The following FGF13 variants were observed in gnomAD, a reference collection of about 807,000 sequenced individuals.
FGF13 encodes the protein fibroblast growth factor homologous factor 2.
Under a neutral mutation model 19.5 loss-of-function variants are expected in FGF13, and 2 were observed. The observed-to-expected ratio is 0.10, with a 90% CI of 0.04 to 0.32. The LOEUF (loss-of-function observed/expected upper bound fraction) is 0.32, where lower values mean the gene tolerates loss of function less well. Among genes scored for constraint, FGF13 ranks in the 10% least tolerant of loss-of-function variants. FGF13 has a pLI of 1.00. For missense variants in FGF13, 113 were observed against 192.7 expected (o/e 0.59, Z 2.45); for synonymous variants, 72 against 76.9 (o/e 0.94, Z 0.33).
chrX:138,670,521 A>G (rs2089600104), intron 3 of FGF13, among the ~76,000 whole-genome samples: 1 of 112,116 alleles, frequency 8.9e-6, no homozygotes, highest in Non-Finnish European at 1.9e-5. Context: ...GTGGATGTAC[A>G]TTTATTGACA....
intron 1 of FGF13, among the ~76,000 whole-genome samples, chrX:138,973,748 T>C (rs771845502): frequency 1.0e-3 from 112 of 112,372 alleles, no homozygotes; most frequent in African/African-American, 3.4e-3. Context: ...ATAATTGCCT[T>C]CCTGGTCTCT....
At chrX:138,907,844 T>C (rs1415113594) in intron 1 of FGF13, among the ~76,000 whole-genome samples, 1 of 111,593 alleles carries the variant, frequency 9.0e-6, no homozygotes, top group Non-Finnish European at 1.9e-5. Context: ...AAATATCAAA[T>C]AAGAATGCTG....
At chrX:138,993,228 G>T (rs1018740679) in intron 1 of FGF13, among the ~76,000 whole-genome samples, 1 of 111,443 alleles carries the variant, frequency 9.0e-6, no homozygotes, top group Non-Finnish European at 1.9e-5. Context: ...CCTTGACCAG[G>T]AAAGGAACAT....
intron 1 of FGF13, among the ~76,000 whole-genome samples, chrX:139,077,279 A>G (rs2083338860): frequency 8.9e-6 from 1 of 112,351 alleles, no homozygotes; most frequent in African/African-American, 3.2e-5. Context: ...CCAATGGAAG[A>G]TAACTAAAAT....
At chrX:138,981,837 T>C (rs1316015150) in intron 1 of FGF13, among the ~76,000 whole-genome samples, 1 of 111,288 alleles carries the variant, frequency 9.0e-6, no homozygotes, top group Non-Finnish European at 1.9e-5. Flanking sequence ...TATCTCTTGG[T>C]TCATCCAATT....
intron 3 of FGF13, among the ~76,000 whole-genome samples, chrX:138,660,155 G>A (rs761209851): frequency 8.1e-5 from 9 of 111,560 alleles, no homozygotes; most frequent in South Asian, 3.8e-4. Flanking sequence ...CTAATTTAAC[G>A]CATGCTTGAA....
chrX:138,638,131 T>C (rs2089204554), intron 3 of FGF13, among the ~76,000 whole-genome samples: 1 of 111,911 alleles, frequency 8.9e-6, no homozygotes, highest in Non-Finnish European at 1.9e-5. Context: ...TGGTTTCTTC[T>C]CTTCAGCTGG....
chrX:139,166,278 A>AT (rs1430521177), intron 1 of FGF13, among the ~76,000 whole-genome samples: 4 of 111,023 alleles, frequency 3.6e-5, no homozygotes, highest in African/African-American at 1.3e-4. Flanking sequence ...ACAGGATCTG[A>AT]TTGTTTTATA....
intron 1 of FGF13, among the ~76,000 whole-genome samples, chrX:138,901,387 A>T (rs1011840058): frequency 9.0e-6 from 1 of 111,501 alleles, no homozygotes; most frequent in Non-Finnish European, 1.9e-5. Flanking sequence ...TAGGTCCTGC[A>T]TCTCTTTGTA....
At chrX:138,782,399 T>TA (rs1225903820) in intron 3 of FGF13, among the ~76,000 whole-genome samples, 1 of 111,052 alleles carries the variant, frequency 9.0e-6, no homozygotes, top group Non-Finnish European at 1.9e-5. Flanking sequence ...GACATGATTG[T>TA]ATATCTAGAA....
intron 3 of FGF13, among the ~76,000 whole-genome samples, chrX:138,750,459 G>A (rs555912704): frequency 1.9e-4 from 21 of 110,740 alleles, no homozygotes; most frequent in South Asian, 1.5e-3. Context: ...ACATGTGCTT[G>A]TTTGTTACAT....
At chrX:138,907,290 A>T (rs1289866887) in intron 1 of FGF13, among the ~76,000 whole-genome samples, 2 of 111,849 alleles carry the variant, frequency 1.8e-5, no homozygotes, top group African/African-American at 6.5e-5. Context: ...ATATACTGCA[A>T]GGCCATTCTG....
intron 4 of FGF13, among the ~76,000 whole-genome samples, chrX:138,634,919 C>CGA (rs1341068550): frequency 8.9e-6 from 1 of 111,983 alleles, no homozygotes; most frequent in Non-Finnish European, 1.9e-5. Flanking sequence ...AATAAGTCAT[C>CGA]ATATGAAAAA....
chrX:139,165,323 A>G (rs749119430), intron 1 of FGF13, among the ~76,000 whole-genome samples: 1 of 112,211 alleles, frequency 8.9e-6, no homozygotes, highest in African/African-American at 3.2e-5. Context: ...AAGGAAAGAA[A>G]TGACTTAAAG....
At chrX:139,155,974 C>A (rs368546373) in intron 1 of FGF13, among the ~76,000 whole-genome samples, 1 of 111,931 alleles carries the variant, frequency 8.9e-6, no homozygotes. Context: ...AGCCACAGCT[C>A]GGGGCTGTTT....
chrX:138,964,265 C>T (rs1423031320), intron 1 of FGF13, among the ~76,000 whole-genome samples: 1 of 111,387 alleles, frequency 9.0e-6, no homozygotes, highest in African/African-American at 3.3e-5. Context: ...GATCTGTGGC[C>T]TGAGGCAACT....
intron 1 of FGF13, among the ~76,000 whole-genome samples, chrX:139,059,979 T>C (rs1252651026): frequency 8.9e-6 from 1 of 112,119 alleles, no homozygotes; most frequent in Non-Finnish European, 1.9e-5. Context: ...GGCAGGTGTA[T>C]AAATTGATAG....
chrX:139,035,021 G>A (rs1482265573), intron 1 of FGF13, among the ~76,000 whole-genome samples: 1 of 111,668 alleles, frequency 9.0e-6, no homozygotes, highest in African/African-American at 3.2e-5. Context: ...GTAACTAGAC[G>A]CAGTATAAAC....
chrX:139,027,531 C>T (rs2092205218), intron 1 of FGF13, among the ~76,000 whole-genome samples: 1 of 112,036 alleles, frequency 8.9e-6, no homozygotes, highest in African/African-American at 3.2e-5. Flanking sequence ...CTCATTCATA[C>T]TTTGAAGTTA....
Sources: allele counts gnomAD v4.1 joint callset (sites outside exome capture counted in the v4.1 genomes callset), GRCh38; gene constraint gnomAD v4.1.1; transcripts MANE v1.5; gene names NCBI Gene and HGNC (gene_info 2026-07-23, HGNC 2026-07-21).